PGAP1: variants seen among roughly 807,000 people sequenced by gnomAD.
PGAP1 encodes the protein GPI inositol-deacylase.
PGAP1 carries 76 observed loss-of-function variants against 127.0 expected under a neutral mutation model. The ratio of observed to expected loss-of-function variants is 0.60; its 90% CI spans 0.50 to 0.72. The LOEUF (loss-of-function observed/expected upper bound fraction) is 0.72. PGAP1 is among the 30% of genes least tolerant of loss of function. The pLI is 0.00. For synonymous variants in PGAP1, 362 were observed against 366.5 expected (o/e 0.99, Z 0.14); for missense variants, 982 against 1,071.3 (o/e 0.92, Z 1.16).
chr2:196,873,076 G>T, intron 16 of PGAP1, 50 bp from the exon 17 acceptor site: 1 of 607,744 alleles, frequency 1.6e-6, no homozygotes, highest in South Asian at 2.3e-5. Flanking sequence ...TACCCTAAAT[G>T]TTACATAAAC....
At position 196,881,569 on chromosome 2, in the gene PGAP1, T is replaced by A. The variant is rs1464366052; in HGVS notation, c.1273-1416A>T. 2.6e-5 allele frequency among the ~76,000 whole-genome samples: 4 copies of A among 152,258 alleles called. 1 individual carries two copies. The highest frequency in any genetic ancestry group is 6.5e-5 in the Admixed American group (1 of 15,284). The stretch of plus-strand genomic sequence containing the variant: ...TTTTAATAATAGCCATTCTGACTGG[T>A]GCGAGATAGTATCTCACCGTGGTTT... On this transcript the variant is annotated intron_variant, in intron 12 of 26. Transcript: ENST00000354764.
At position 196,835,831 on chromosome 2, in the gene PGAP1, G is replaced by A. The variant is rs1178102272; in HGVS notation, c.*5403C>T. 1 of 152,254 alleles carries A rather than the reference G, an allele frequency of 6.6e-6. No individual in the cohort carries two copies. The highest frequency in any genetic ancestry group is 1.5e-5 in the Non-Finnish European group (1 of 67,850). 9.4% of individuals were successfully genotyped at this position (152,254 alleles called of 1,614,324 possible). On this transcript the variant is annotated 3_prime_UTR_variant, in exon 27 of 27. Coordinates refer to ENST00000354764, the MANE Select transcript of PGAP1 (RefSeq NM_024989.4). ...TGTCTCTTTTTTTTGCTAAAAAAGG[G>A]ATGTAAAAAGTCCAATATGAAACAG...
intron 20 of PGAP1, among the ~76,000 whole-genome samples, chr2:196,863,907 A>G (rs1380295525): frequency 6.6e-6 from 1 of 152,094 alleles, no homozygotes; most frequent in Non-Finnish European, 1.5e-5. Context: ...TTTATTGTAT[A>G]TTTTAAAATA....
chr2:196,836,279 C>A lies in PGAP1; in HGVS notation c.*4955G>T, dbSNP rs1296163054. 1 of 152,508 alleles carries A rather than the reference C, an allele frequency of 6.6e-6. No homozygotes were observed. The highest frequency in any genetic ancestry group is 2.4e-5 in the African/African-American group (1 of 41,436). 9.4% of individuals were successfully genotyped at this position (152,508 alleles called of 1,614,324 possible). A position where few individuals can be genotyped will look rare whatever the true frequency, so the allele number is the denominator to read the frequency against. On this transcript the variant is annotated 3_prime_UTR_variant, in exon 27 of 27. Transcript: ENST00000354764. Reference sequence around the variant, plus strand: ...CCAAACACTTTCAGAAAGTCCTGTACTTTATTTAAAAGTTATCAACCGTAG... The same window carrying A: ...CCAAACACTTTCAGAAAGTCCTGTAATTTATTTAAAAGTTATCAACCGTAG...
chr2:196,925,782 C>A (rs1703339806), intron 1 of PGAP1, among the ~76,000 whole-genome samples: 1 of 152,128 alleles, frequency 6.6e-6, no homozygotes, highest in Non-Finnish European at 1.5e-5. Flanking sequence ...CAGGTATGCA[C>A]ACACACAGGC....
chr2:196,880,695 T>TA (rs1474976540), intron 12 of PGAP1, among the ~76,000 whole-genome samples: 3 of 152,160 alleles, frequency 2.0e-5, no homozygotes, highest in Admixed American at 2.0e-4. Context: ...TAGCAAATGA[T>TA]AAAGACAAGT....
rs138573564 is a variant in PGAP1 at position 196,914,964 on chromosome 2, G to A, written c.477+1454C>T. ...CCCAAGTAGCTGGGACTACAAGTGT[G>A]CACCACCACATCCAGCTAATATATA... On this transcript the variant is annotated intron_variant, in intron 3 of 26. Transcript: ENST00000354764. Among the ~76,000 whole-genome samples, 164 of 151,910 alleles carry A rather than the reference G, an allele frequency of 1.1e-3. No individual in the cohort carries two copies. The East Asian group carries it at 0.019, about 18-fold the overall frequency.
chr2:196,916,084 T>C (rs1350032657), intron 3 of PGAP1, among the ~76,000 whole-genome samples: 1 of 152,228 alleles, frequency 6.6e-6, no homozygotes, highest in Non-Finnish European at 1.5e-5. Flanking sequence ...GTTGTTTACA[T>C]ATGCAGGTGT....
intron 20 of PGAP1, among the ~76,000 whole-genome samples, chr2:196,849,185 C>T (rs1700643987): frequency 6.6e-6 from 1 of 151,746 alleles, no homozygotes; most frequent in Admixed American, 6.6e-5. Flanking sequence ...AAAAACGAGA[C>T]CTTTTTCAGA....
intron 19 of PGAP1, among the ~76,000 whole-genome samples, chr2:196,866,235 C>T (rs1294686100): frequency 1.3e-5 from 2 of 152,158 alleles, no homozygotes; most frequent in Non-Finnish European, 2.9e-5. Context: ...TACAAAGCTA[C>T]AGTAACCAAA....
chr2:196,926,447 C>T (rs551229323), intron 1 of PGAP1, 23 bp downstream of exon 1: 1 of 1,613,714 alleles, frequency 6.2e-7, no homozygotes, highest in East Asian at 2.2e-5. Context: ...GAGCGCCCGG[C>T]TGAGGAGAGG....
rs965965344 is a variant in PGAP1, at chr2:196,840,941, T to C, written c.*293A>G. On this transcript the variant is annotated 3_prime_UTR_variant, in exon 27 of 27. Transcript: ENST00000354764. ...CTCTCATATCAGACTTCTCGTACAG[T>C]TGATAAAACAGACTATTTTATATGC... 3.7e-5 allele frequency: 9 copies of C among 244,500 alleles called. No individual in the cohort carries two copies. The highest frequency in any genetic ancestry group is 5.4e-5 in the Non-Finnish European group (7 of 128,688). 15.1% of individuals were successfully genotyped at this position (244,500 alleles called of 1,614,324 possible). A position where few individuals can be genotyped will look rare whatever the true frequency, so the allele number is the denominator to read the frequency against.
At chr2:196,854,269 C>T (rs1046383657) in intron 20 of PGAP1, among the ~76,000 whole-genome samples, 1 of 151,954 alleles carries the variant, frequency 6.6e-6, no homozygotes. Context: ...CCTGAAAAGC[C>T]TCCAAGAATA....
chr2:196,874,945 G>A (rs1159003063), intron 14 of PGAP1, among the ~76,000 whole-genome samples: 1 of 152,170 alleles, frequency 6.6e-6, no homozygotes, highest in East Asian at 1.9e-4. Context: ...AAGCCCAGGA[G>A]GCAGAGGTTG....
intron 4 of PGAP1, among the ~76,000 whole-genome samples, chr2:196,903,560 C>CAAAAAA (rs11312715): frequency 3.8e-5 from 3 of 79,320 alleles, no homozygotes; most frequent in Non-Finnish European, 5.3e-5. Flanking sequence ...GACTCTGTCT[C>CAAAAAA]AAAAAAAAAA....
Position 196,884,870 on chromosome 2 carries a change from C to T in PGAP1, c.1272+554G>A, listed in dbSNP as rs393782. ...TTTTCAACAATAGATTTTGAGACTG[C>T]GCAAATAAGCCCTTTATAAAAGAAC... is the stretch of plus-strand genomic sequence containing the variant. On this transcript the variant is annotated intron_variant, in intron 12 of 26. Transcript: ENST00000354764. Among the ~76,000 whole-genome samples, 208 of 152,242 alleles carry T rather than the reference C, an allele frequency of 1.4e-3. 1 individual carries two copies. Among genetic ancestry groups the T allele is most frequent in the African/African-American group, 4.8e-3 (198 of 41,538 alleles).
Position 196,917,187 on chromosome 2 carries a change from T to C in PGAP1, c.302-594A>G, listed in dbSNP as rs1276033595. On this transcript the variant is annotated intron_variant, in intron 2 of 26. Transcript: ENST00000354764. The stretch of plus-strand genomic sequence containing the variant: ...TTACTGGTCTCTCTGCTTCCACTCT[T>C]TTTGTTCTTGTTGTTGTTTTGCAAA... Among the ~76,000 whole-genome samples the C allele has an allele frequency of 3.3e-5, 5 of 152,308 alleles. No individual in the cohort carries two copies. In the East Asian group the frequency reaches 9.6e-4, roughly 29 times the overall value.
intron 20 of PGAP1, among the ~76,000 whole-genome samples, chr2:196,857,096 AAGT>A (rs1331001707): frequency 1.3e-5 from 2 of 152,204 alleles, no homozygotes; most frequent in African/African-American, 4.8e-5. Context: ...GGAAGAGAGG[AAGT>A]CAAACTATCT....
intron 20 of PGAP1, among the ~76,000 whole-genome samples, chr2:196,863,068 C>G (rs1161182584): frequency 6.6e-6 from 1 of 152,032 alleles, no homozygotes; most frequent in African/African-American, 2.4e-5. Context: ...CAAAAAATAA[C>G]AAGTGATAAT....
Sources: gnomAD v4.1 joint callset for allele counts (sites outside exome capture counted in the v4.1 genomes callset) on GRCh38, gnomAD v4.1.1 for gene constraint, MANE v1.5 for transcripts, NCBI Gene and HGNC (gene_info 2026-07-23, HGNC 2026-07-21) for gene names.